Variants in PRMT7 observed in about 807,000 individuals in gnomAD.
The protein encoded by PRMT7 is protein arginine methyltransferase 7, also known as protein arginine N-methyltransferase 7.
Under a neutral mutation model 85.4 loss-of-function variants are expected in PRMT7, and 75 were observed. The ratio of observed to expected loss-of-function variants is 0.88; its 90% CI spans 0.73 to 1.06. The LOEUF (loss-of-function observed/expected upper bound fraction) is 1.06, where lower values mean the gene tolerates loss of function less well. Ranked by LOEUF, PRMT7 falls within the 50% of genes least tolerant of loss-of-function variation. The pLI is 0.00. For missense variants in PRMT7, 868 were observed against 915.2 expected (o/e 0.95, Z 0.67); for synonymous variants, 397 against 359.5 (o/e 1.10, Z -1.18).
chr16:68,313,763 GGGTC>G (rs2044290474), intron 2 of PRMT7, among the ~76,000 whole-genome samples: 1 of 152,210 alleles, frequency 6.6e-6, no homozygotes, highest in South Asian at 2.1e-4. Context: ...ACCCATTGAT[GGGTC>G]CTGACCAGCA....
rs565319392 is a variant in PRMT7, at chr16:68,347,271, G to T, written c.1252G>T (p.Ala418Ser). ...CGATGGCAGCCTGCTCTCCGTGCTG[G>T]CCCATCACCTGGGGGTGGAGCAGGT... Reference protein sequence around the residue: ...VSDGSLLSVLAHHLGVEQVFT... With the variant: ...VSDGSLLSVLSHHLGVEQVFT... The change falls in exon 12 of 19, where the codon GCC (alanine) becomes TCC (serine). Residue 418 changes from alanine (A) to serine (S), a missense_variant. Coordinates refer to ENST00000441236, the MANE Select transcript of PRMT7 (RefSeq NM_019023.5). The T allele has an allele frequency of 1.5e-5, 24 of 1,550,454 alleles. No homozygotes were observed. In the East Asian group the frequency reaches 5.8e-4, roughly 37 times the overall value.
At position 68,347,690 on chromosome 16, in the gene PRMT7, T is replaced by C. The variant is rs2086626050; in HGVS notation, c.1323+12T>C. On this transcript the variant is annotated intron_variant, in intron 13 of 18. Coordinates refer to ENST00000441236, the MANE Select transcript of PRMT7 (RefSeq NM_019023.5). ...AACTGTTGAGAAAAGTAAGTGAGAA[T>C]TGTTGTTGCTGAAATAGTGAGAGGA... 3 of 1,607,372 alleles carry C rather than the reference T, an allele frequency of 1.9e-6. No homozygotes were observed. Among genetic ancestry groups the C allele is most frequent in the Non-Finnish European group, 2.5e-6 (3 of 1,178,994 alleles).
chr16:68,356,547 AG>A (rs1312218883), intron 17 of PRMT7, among the ~76,000 whole-genome samples, 153 bp from the exon 18 acceptor site: 1 of 152,064 alleles, frequency 6.6e-6, no homozygotes, highest in African/African-American at 2.4e-5. Context: ...GGTTTTTCTG[AG>A]GAACGTTTAT....
intron 6 of PRMT7, among the ~76,000 whole-genome samples, chr16:68,331,119 C>G (rs1229304554): frequency 6.6e-6 from 1 of 152,206 alleles, no homozygotes; most frequent in Admixed American, 6.5e-5. Context: ...CCCCCATATC[C>G]TGGTCCTAGG....
chr16:68,344,956 ACGGG>A (rs2086125612), intron 9 of PRMT7, among the ~76,000 whole-genome samples: 1 of 128,778 alleles, frequency 7.8e-6, no homozygotes. Flanking sequence ...ACACACACAC[ACGGG>A]CATGCACATT....
chr16:68,342,208 G>T (rs536608159), intron 9 of PRMT7, among the ~76,000 whole-genome samples: 6 of 152,282 alleles, frequency 3.9e-5, no homozygotes, highest in Admixed American at 3.9e-4. Flanking sequence ...AACCCAGGAG[G>T]TGGAAATTGA....
chr16:68,325,916 C>T (rs2151500928), intron 5 of PRMT7, among the ~76,000 whole-genome samples: 1 of 152,170 alleles, frequency 6.6e-6, no homozygotes, highest in East Asian at 1.9e-4. Flanking sequence ...AGAACCACTA[C>T]CTTAAATGTC....
chr16:68,346,083 G>A, intron 10 of PRMT7, 62 bp from the exon 11 acceptor site: 1 of 1,603,272 alleles, frequency 6.2e-7, no homozygotes. Flanking sequence ...CCAGATTCAT[G>A]CCCTCTGGAG....
At chr16:68,355,646 G>A (rs1232758626) in intron 16 of PRMT7, 77 bp from the exon 17 acceptor site, 1 of 1,382,822 alleles carries the variant, frequency 7.2e-7, no homozygotes, top group Non-Finnish European at 9.5e-7. Context: ...CAGTCAGTGG[G>A]AGCCAAGCCG....
intron 9 of PRMT7, among the ~76,000 whole-genome samples, chr16:68,344,657 G>A (rs2086048483): frequency 6.6e-6 from 1 of 152,004 alleles, no homozygotes; most frequent in Non-Finnish European, 1.5e-5. Flanking sequence ...GGGGTTTGTA[G>A]TAAGGACTAG....
intron 17 of PRMT7, 65 bp downstream of exon 17, chr16:68,355,948 G>C (rs1000994084): frequency 6.9e-7 from 1 of 1,444,704 alleles, no homozygotes; most frequent in Non-Finnish European, 9.1e-7. Context: ...TCTCACCCCC[G>C]TGGTGAGCAC....
intron 9 of PRMT7, among the ~76,000 whole-genome samples, chr16:68,342,762 G>GC (rs1277004749): frequency 1.3e-5 from 2 of 152,142 alleles, no homozygotes; most frequent in Non-Finnish European, 2.9e-5. Flanking sequence ...CAGGTGCCTG[G>GC]CCCCGGGTGT....
chr16:68,358,593 T>A (rs2088988925), downstream of PRMT7: 1 of 152,680 alleles, frequency 6.5e-6, no homozygotes, highest in Non-Finnish European at 1.5e-5. Context: ...TATTTCTAAA[T>A]CTCAGCAAGT....
Position 68,337,649 on chromosome 16 carries a change from C to G in PRMT7, c.504+78C>G. On this transcript the variant is annotated intron_variant, in intron 7 of 18. Transcript: ENST00000441236. ...TAGCACTCACTCATGCACCGTGTCC[C>G]ACACAGCCCAAGCCCTCAGCACCTC... The G allele has an allele frequency of 3.3e-6, 3 of 918,902 alleles. No individual in the cohort carries two copies. In the South Asian group the frequency reaches 5.7e-5, roughly 18 times the overall value. 56.9% of individuals were successfully genotyped at this position (918,902 alleles called of 1,614,324 possible).
At chr16:68,321,624 C>G (rs577695745) in intron 4 of PRMT7, 162 bp downstream of exon 4, 7 of 605,108 alleles carry the variant, frequency 1.2e-5, no homozygotes, top group Non-Finnish European at 2.0e-5. Flanking sequence ...ACTTCTGGCT[C>G]TATTTTTGTT....
At chr16:68,318,140 TTGA>T (rs2082086692) in intron 3 of PRMT7, among the ~76,000 whole-genome samples, 1 of 152,120 alleles carries the variant, frequency 6.6e-6, no homozygotes, top group South Asian at 2.1e-4. Flanking sequence ...TTAGAATTGT[TTGA>T]TGATTAAATG....
At chr16:68,329,394 A>G (rs879786847) in intron 6 of PRMT7, 13 of 367,154 alleles carry the variant, frequency 3.5e-5, no homozygotes, top group South Asian at 8.2e-5. Context: ...AGGTCCAGCA[A>G]TGGAGACGCA....
intron 6 of PRMT7, chr16:68,329,422 C>T (rs1353711966): frequency 3.2e-6 from 1 of 309,634 alleles, no homozygotes; most frequent in African/African-American, 2.1e-5. Flanking sequence ...CCTACATTTG[C>T]TTTAAGCAAA....
At chr16:68,338,567 G>A (rs973734618) in intron 7 of PRMT7, among the ~76,000 whole-genome samples, 2 of 152,124 alleles carry the variant, frequency 1.3e-5, no homozygotes, top group Non-Finnish European at 2.9e-5. Context: ...GAGGTGGGGC[G>A]GAGGAAGCAC....
Sources: allele counts gnomAD v4.1 joint callset (sites outside exome capture counted in the v4.1 genomes callset), GRCh38; gene constraint gnomAD v4.1.1; transcripts MANE v1.5; gene names NCBI Gene and HGNC (gene_info 2026-07-23, HGNC 2026-07-21).